Variants in ATF2 observed in about 807,000 individuals in gnomAD.
ATF2 encodes activating transcription factor 2.
A neutral mutation model predicts 60.6 loss-of-function variants in ATF2; 24 were observed. The ratio of observed to expected loss-of-function variants is 0.40; its 90% confidence interval spans 0.29 to 0.56. The LOEUF (loss-of-function observed/expected upper bound fraction) is 0.56. Ranked by LOEUF, ATF2 falls within the 20% of genes least tolerant of loss-of-function variation. ATF2 has a pLI of 0.54. For missense variants in ATF2, 433 were observed against 607.7 expected (o/e 0.71, Z 3.02); for synonymous variants, 206 against 215.4 (o/e 0.96, Z 0.38).
intron 5 of ATF2, among the ~76,000 whole-genome samples, chr2:175,120,046 C>T (rs981800257): frequency 2.0e-5 from 3 of 151,538 alleles, no homozygotes; most frequent in African/African-American, 7.3e-5. Flanking sequence ...AAAAAAAGGT[C>T]AAGTACTGTG....
chr2:175,118,912 T>C (rs559723636), intron 5 of ATF2, among the ~76,000 whole-genome samples: 1 of 151,712 alleles, frequency 6.6e-6, no homozygotes, highest in Non-Finnish European at 1.5e-5. Context: ...ACAAACCCTC[T>C]TTTTACCACT....
intron 2 of ATF2, among the ~76,000 whole-genome samples, chr2:175,142,710 A>T (rs1294557747): frequency 2.7e-4 from 35 of 129,680 alleles, no homozygotes; most frequent in African/African-American, 9.5e-4. Context: ...AGAGAGAGAG[A>T]GAGAGAGAGA....
intron 7 of ATF2, among the ~76,000 whole-genome samples, chr2:175,115,321 G>A (rs1048359113): frequency 7.2e-5 from 11 of 152,208 alleles, no homozygotes; most frequent in African/African-American, 2.6e-4. Flanking sequence ...ACAGAAATAA[G>A]AACTTTTAGA....
At chr2:175,156,471 G>A (rs1699696598) in intron 1 of ATF2, among the ~76,000 whole-genome samples, 1 of 150,520 alleles carries the variant, frequency 6.6e-6, no homozygotes, top group Admixed American at 6.6e-5. Flanking sequence ...GACCTCAAGA[G>A]CTGAGAACTT....
intron 10 of ATF2, among the ~76,000 whole-genome samples, chr2:175,103,923 T>C (rs754458175): frequency 6.9e-4 from 105 of 152,296 alleles, no homozygotes; most frequent in Non-Finnish European, 1.2e-3. Flanking sequence ...GGAATTTTTC[T>C]GTTGTATTAA....
chr2:175,153,825 CT>C (rs1364573557), intron 1 of ATF2, among the ~76,000 whole-genome samples: 1 of 95,974 alleles, frequency 1.0e-5, no homozygotes, highest in Non-Finnish European at 2.1e-5. Context: ...GAGCGAGACT[CT>C]GCCTCAAAGA....
intron 2 of ATF2, among the ~76,000 whole-genome samples, chr2:175,137,924 C>G (rs573379306): frequency 2.0e-5 from 3 of 152,148 alleles, no homozygotes; most frequent in African/African-American, 7.2e-5. Context: ...GGCTTAAATG[C>G]TATCTCTTTG....
Position 175,074,166 on chromosome 2 carries a change from A to G in ATF2, c.*443T>C, listed in dbSNP as rs1264622360. ...GCCTAGTGCTTTTATGACTCCGTTA[A>G]CATTACAAAGTCAACAGGGACTATG... On this transcript the variant is annotated 3_prime_UTR_variant, in exon 14 of 14. Transcript: ENST00000264110. 1.3e-5 allele frequency: 2 copies of G among 153,478 alleles called. No individual in the cohort carries two copies. Among genetic ancestry groups the G allele is most frequent in the Admixed American group, 1.3e-4 (2 of 15,472 alleles). 9.5% of individuals were successfully genotyped at this position (153,478 alleles called of 1,614,324 possible).
chr2:175,092,979 G>C, intron 12 of ATF2, 82 bp downstream of exon 12: 1 of 1,446,090 alleles, frequency 6.9e-7, no homozygotes, highest in Non-Finnish European at 9.4e-7. Flanking sequence ...AAAATGTTTG[G>C]AGGCCCAACT....
In ATF2 at chr2:175,073,455, A is replaced by G. The variant is rs1433147951; in HGVS notation, c.*1154T>C. 6.6e-6 allele frequency: 1 copy of G among 152,018 alleles called. No homozygotes were observed. Among genetic ancestry groups the G allele is most frequent in the Non-Finnish European group, 1.5e-5 (1 of 67,930 alleles). 9.4% of individuals were successfully genotyped at this position (152,018 alleles called of 1,614,324 possible). On this transcript the variant is annotated 3_prime_UTR_variant, in exon 14 of 14. Transcript: ENST00000264110. ...CAAAGATTGCTGGCATAAACTATTA[A>G]AAGACACACACACACGCGCACACAC... is the stretch of plus-strand genomic sequence containing the variant.
intron 6 of ATF2, 57 bp downstream of exon 6, chr2:175,118,194 A>ACTATGATTACTTTT: frequency 6.3e-7 from 1 of 1,591,074 alleles, no homozygotes; most frequent in Non-Finnish European, 8.6e-7. Context: ...GGAAGTATAA[A>ACTATGATTACTTTT]CTATGATTAC....
chr2:175,135,907 C>G (rs971987278), intron 3 of ATF2, among the ~76,000 whole-genome samples: 8 of 151,944 alleles, frequency 5.3e-5, no homozygotes, highest in Non-Finnish European at 1.2e-4. Flanking sequence ...CCTTCAATAG[C>G]AATGCTCCCC....
intron 3 of ATF2, among the ~76,000 whole-genome samples, chr2:175,134,599 G>A (rs1698003208): frequency 6.6e-6 from 1 of 151,626 alleles, no homozygotes; most frequent in Non-Finnish European, 1.5e-5. Context: ...TGCCTTTTGT[G>A]CATAAAATGT....
Position 175,136,432 on chromosome 2 carries a change from C to A in ATF2, c.12G>T (p.Lys4Asn), listed in dbSNP as rs1318451118. The A allele has an allele frequency of 6.2e-7, 1 of 1,609,822 alleles. No individual in the cohort carries two copies. The highest frequency in any genetic ancestry group is 1.3e-5 in the African/African-American group (1 of 74,744). Residue 4 changes from lysine (K) to asparagine (N), a missense_variant, in exon 3 of 14, where the codon AAG (lysine) becomes AAT (asparagine). Physicochemically the swap from Lys to Asn is moderately conservative, Grantham distance 94 (BLOSUM62 0). This residue lies in a region of ATF2 where 20 missense variants were observed against 16.9 expected (regional missense o/e 1.19). Coordinates refer to ENST00000264110, the MANE Select transcript of ATF2 (RefSeq NM_001880.4). MKFKLHVNSARQYK... is the reference protein window; with the variant it reads MKFNLHVNSARQYK... ...CATACCTGGCAGAATTCACATGTAA[C>A]TTGAATTTCATAAGTTGAATAACTT...
At chr2:175,093,660 A>G (rs190722049) in intron 11 of ATF2, among the ~76,000 whole-genome samples, 4 of 152,274 alleles carry the variant, frequency 2.6e-5, no homozygotes, top group East Asian at 1.9e-4. Flanking sequence ...AAAACGTTTA[A>G]TAACTTCCTA....
chr2:175,127,593 T>C (rs537382186), intron 4 of ATF2, among the ~76,000 whole-genome samples: 1 of 152,300 alleles, frequency 6.6e-6, no homozygotes, highest in Non-Finnish European at 1.5e-5. Flanking sequence ...CTGTCTCCTC[T>C]GACCTCCTCT....
rs187923560 is a variant in ATF2 at position 175,133,019 on chromosome 2, G to T, written c.33-2812C>A. Among the ~76,000 whole-genome samples the T allele has an allele frequency of 4.2e-3, 635 of 151,972 alleles. 2 individuals carry two copies. Among genetic ancestry groups the T allele is most frequent in the Non-Finnish European group, 6.2e-3 (421 of 67,970 alleles). ...ATGAGAATCACTTGAACCTGGGGAG[G>T]TAGAGGTTGCAGTGAGCTGAGACTG... is the stretch of plus-strand genomic sequence containing the variant. On this transcript the variant is annotated intron_variant, in intron 3 of 13. Coordinates refer to ENST00000264110, the MANE Select transcript of ATF2 (RefSeq NM_001880.4).
Position 175,114,793 on chromosome 2 carries a change from G to A in ATF2, c.523C>T (p.Leu175=), listed in dbSNP as rs779020358. ...ACACTTGAGTCAGAACTTGTAAGCA[G>A]CACATTGGGAACCTGTAATGATGCT... The part of the protein sequence containing the change: ...RPASLQVPNV[L]LTSSDSSVII... Residue 175 remains leucine (L), a synonymous_variant, in exon 8 of 14, where the codon CTG becomes TTG. Transcript: ENST00000264110. The A allele has an allele frequency of 1.9e-6, 3 of 1,613,988 alleles. No homozygotes were observed. The highest frequency in any genetic ancestry group is 2.5e-6 in the Non-Finnish European group (3 of 1,179,898).
intron 11 of ATF2, among the ~76,000 whole-genome samples, chr2:175,094,596 C>T (rs915855093): frequency 2.0e-5 from 3 of 151,980 alleles, no homozygotes; most frequent in African/African-American, 7.2e-5. Flanking sequence ...CTATGTAATA[C>T]AAGTCTTATA....
Sources: allele counts gnomAD v4.1 joint callset (sites outside exome capture counted in the v4.1 genomes callset), GRCh38; gene constraint gnomAD v4.1.1; regional missense constraint gnomAD v4.1.1; transcripts MANE v1.5; gene names NCBI Gene and HGNC (gene_info 2026-07-23, HGNC 2026-07-21).